Variants in HNRNPA1 observed in about 807,000 individuals in gnomAD.
The protein encoded by HNRNPA1 is heterogeneous nuclear ribonucleoprotein A1, also known as epididymis secretory sperm binding protein.
Under a neutral mutation model 44.4 loss-of-function variants are expected in HNRNPA1, and 7 were observed. The observed-to-expected ratio is 0.16, with a 90% CI of 0.09 to 0.30. The LOEUF (loss-of-function observed/expected upper bound fraction) is 0.30. Ranked by LOEUF, HNRNPA1 falls within the 10% of genes least tolerant of loss-of-function variation. The probability of loss-of-function intolerance (pLI) is 1.00; values close to 1 mark genes in which losing one functional copy is unlikely to be tolerated. For synonymous variants in HNRNPA1, 169 were observed against 160.6 expected (o/e 1.05, Z -0.40); for missense variants, 193 against 465.8 (o/e 0.41, Z 5.39).
At chr12:54,281,233 C>G (rs566711852) in intron 1 of HNRNPA1, 153 bp from the exon 2 acceptor site, 23 of 714,468 alleles carry the variant, frequency 3.2e-5, no homozygotes, top group African/African-American at 2.6e-4. Context: ...CTCCAGCATA[C>G]GGCCTCCCTT....
At position 54,285,390 on chromosome 12, in the gene HNRNPA1, C is replaced by T. The variant is rs780110414; in HGVS notation, c.*846C>T. The T allele has an allele frequency of 6.6e-6, 1 of 152,170 alleles. No individual in the cohort carries two copies. The highest frequency in any genetic ancestry group is 6.5e-5 in the Admixed American group (1 of 15,282). 9.4% of individuals were successfully genotyped at this position (152,170 alleles called of 1,614,324 possible). A position where few individuals can be genotyped will look rare whatever the true frequency, so the allele number is the denominator to read the frequency against. On this transcript the variant is annotated 3_prime_UTR_variant, in exon 11 of 11. Transcript: ENST00000340913. ...ATAGAAACTAGCTGCTGGCTAATGC[C>T]GCTCCATAAATCCGCAGATTTGAAG...
intron 8 of HNRNPA1, 49 bp from the exon 9 acceptor site, chr12:54,283,763 C>T (rs756907477): frequency 1.9e-6 from 3 of 1,574,292 alleles, no homozygotes; most frequent in East Asian, 2.2e-5. Flanking sequence ...GAATTGGAAA[C>T]TAACATCATC....
chr12:54,284,339 T>C, intron 10 of HNRNPA1, 22 bp downstream of exon 10: 1 of 1,606,942 alleles, frequency 6.2e-7, no homozygotes. Context: ...CCTTTTTGTG[T>C]GTTGACATAA....
At position 54,280,756 on chromosome 12, in the gene HNRNPA1, C is replaced by T. The variant is rs147277219; in HGVS notation, c.-52C>T. 34 of 1,611,618 alleles carry T rather than the reference C, an allele frequency of 2.1e-5. No individual in the cohort carries two copies. The East Asian group carries it at 5.6e-4, about 26-fold the overall frequency. ...CGTTCGTCAGCTTGCTCCTTTCTGC[C>T]CGTGGACGCCGCCGAAGAAGCATCG... On this transcript the variant is annotated 5_prime_UTR_variant, in exon 1 of 11. Transcript: ENST00000340913.
intron 1 of HNRNPA1, chr12:54,281,073 T>G (rs1944153335): frequency 1.4e-6 from 1 of 703,886 alleles, no homozygotes; most frequent in African/African-American, 1.7e-5. Flanking sequence ...AGGATCTTTG[T>G]CTTTTTTTAA....
chr12:54,281,855 G>T lies in HNRNPA1; in HGVS notation c.193G>T (p.Val65Leu). ...CTTTGGGTTTGTCACATATGCCACT[G>T]TGGAGGAGGTGGATGCAGCTATGAA... is the stretch of plus-strand genomic sequence containing the variant. ...RGFGFVTYAT[V>L]EEVDAAMNAR... The change falls in exon 3 of 11, where the codon GTG becomes TTG. Residue 65 changes from valine (V) to leucine (L), a missense_variant. Around this residue, in one of 2 missense-constraint regions of HNRNPA1, gnomAD observed 57 missense variants for 231.3 expected, o/e 0.25. Transcript: ENST00000340913. The T allele has an allele frequency of 1.9e-6, 3 of 1,613,452 alleles. No homozygotes were observed. Among genetic ancestry groups the T allele is most frequent in the Non-Finnish European group, 2.5e-6 (3 of 1,179,590 alleles).
intron 7 of HNRNPA1, 37 bp from the exon 8 acceptor site, chr12:54,283,042 T>TA (rs1317063377): frequency 6.2e-7 from 1 of 1,605,538 alleles, no homozygotes; most frequent in Non-Finnish European, 8.5e-7. Context: ...CATTGTCAAA[T>TA]ACTTTTGTCT....
Position 54,281,436 on chromosome 12 carries a change from C to T in HNRNPA1, c.66C>T (p.Ser22=). 1 of 1,611,974 alleles carries T rather than the reference C, an allele frequency of 6.2e-7. No homozygotes were observed. The highest frequency in any genetic ancestry group is 8.5e-7 in the Non-Finnish European group (1 of 1,178,594). The change falls in exon 2 of 11, where the codon AGC becomes AGT. Residue 22 remains serine (S), a synonymous_variant. Transcript: ENST00000340913. ...QLRKLFIGGL[S]FETTDESLRS... is the part of the protein sequence containing the mutation. ...GGAAGCTCTTCATTGGAGGGTTGAG[C>T]TTTGAAACAACTGATGAGAGCCTGA...
rs1467973612 is a variant in HNRNPA1, at chr12:54,284,325, A to G, written c.*4+8A>G. On this transcript the variant is annotated splice_region_variant and intron_variant, in intron 10 of 10. Coordinates refer to ENST00000340913, the MANE Select transcript of HNRNPA1 (RefSeq NM_031157.4). Reference sequence around the variant, plus strand: ...GCAGAAGATTTTAATTAGGTAAGTAAGCACCTTTTTGTGTGTTGACATAAT... The same window carrying G: ...GCAGAAGATTTTAATTAGGTAAGTAGGCACCTTTTTGTGTGTTGACATAAT... 1.2e-6 allele frequency: 2 copies of G among 1,612,996 alleles called. No individual in the cohort carries two copies. The highest frequency in any genetic ancestry group is 1.7e-6 in the Non-Finnish European group (2 of 1,179,182).
In HNRNPA1 at chr12:54,282,071, A is replaced by G. The variant is rs1173632701; in HGVS notation, c.280-19A>G. 2 of 1,609,552 alleles carry G rather than the reference A, an allele frequency of 1.2e-6. No homozygotes were observed. Among genetic ancestry groups the G allele is most frequent in the Admixed American group, 1.7e-5 (1 of 59,914 alleles). Reference sequence around the variant, plus strand: ...GTATAGGCTTTGCTAATCTAAACCTATGGTTTTTCTCCTATTAGGATTCTC... The same window carrying G: ...GTATAGGCTTTGCTAATCTAAACCTGTGGTTTTTCTCCTATTAGGATTCTC... On this transcript the variant is annotated intron_variant, in intron 3 of 10. Transcript: ENST00000340913.
rs748862330 is a variant in HNRNPA1, at chr12:54,281,064, G to A, written c.15+242G>A. The A allele has an allele frequency of 1.7e-5, 12 of 704,854 alleles. No individual in the cohort carries two copies. The East Asian group carries it at 3.2e-4, about 19-fold the overall frequency. The allele number at this position is 704,854 out of a possible 1,614,324, so 43.7% of individuals were successfully genotyped here. On this transcript the variant is annotated intron_variant, in intron 1 of 10. Coordinates refer to ENST00000340913, the MANE Select transcript of HNRNPA1 (RefSeq NM_031157.4). ...TCGTAGCAAAATTCTTAGGCACACA[G>A]GATCTTTGTCTTTTTTTAAACCTTG...
chr12:54,283,906 A>C lies in HNRNPA1; in HGVS notation c.1002A>C (p.Gly334=). The change falls in exon 9 of 11, where the codon GGA becomes GGC. Residue 334 remains glycine, a synonymous_variant. Coordinates refer to ENST00000340913, the MANE Select transcript of HNRNPA1 (RefSeq NM_031157.4). Reference sequence around the variant, plus strand: ...GACCCATGAAGGGAGGAAATTTTGGAGGCAGAAGCTCTGGCCCCTATGGCG... The same window carrying C: ...GACCCATGAAGGGAGGAAATTTTGGCGGCAGAAGCTCTGGCCCCTATGGCG... ...NFGPMKGGNF[G]GRSSGPYGGG... The C allele has an allele frequency of 6.2e-7, 1 of 1,611,478 alleles. No individual in the cohort carries two copies. Among genetic ancestry groups the C allele is most frequent in the Non-Finnish European group, 8.5e-7 (1 of 1,180,014 alleles).
At chr12:54,282,043 C>T (rs370297565) in intron 3 of HNRNPA1, 47 bp from the exon 4 acceptor site, 86 of 1,594,360 alleles carry the variant, frequency 5.4e-5, no homozygotes, top group Admixed American at 2.4e-4. Flanking sequence ...ATTTTTTATT[C>T]GAGTATAGGC....
At chr12:54,284,227 G>C in intron 9 of HNRNPA1, 31 bp from the exon 10 acceptor site, 1 of 1,607,638 alleles carries the variant, frequency 6.2e-7, no homozygotes, top group East Asian at 2.2e-5. Context: ...TTGGCACTTT[G>C]AAACTTTAAA....
rs971236789 is a variant in HNRNPA1 at position 54,286,090 on chromosome 12, A to G, written c.*1546A>G. On this transcript the variant is annotated 3_prime_UTR_variant, in exon 11 of 11. Transcript: ENST00000340913. ...GAATGGCTCCGAGCTCAGACACTCTACAGCTGAGAGTAGACACTTGTGGTA... is the reference window on the plus strand; with the variant it reads ...GAATGGCTCCGAGCTCAGACACTCTGCAGCTGAGAGTAGACACTTGTGGTA... 5 of 152,148 alleles carry G rather than the reference A, an allele frequency of 3.3e-5. No homozygotes were observed. Among genetic ancestry groups the G allele is most frequent in the Non-Finnish European group, 7.3e-5 (5 of 68,030 alleles). The allele number at this position is 152,148 out of a possible 1,614,324, so 9.4% of individuals were successfully genotyped here.
At chr12:54,281,117 GATTAGTCCC>G in intron 1 of HNRNPA1, 1 of 699,822 alleles carries the variant, frequency 1.4e-6, no homozygotes, top group Non-Finnish European at 2.6e-6. Flanking sequence ...TCTAAAGAGC[GATTAGTCCC>G]ATTGTGGAGA....
chr12:54,284,444 A>C, intron 10 of HNRNPA1, 105 bp from the exon 11 acceptor site: 1 of 944,800 alleles, frequency 1.1e-6, no homozygotes, highest in Non-Finnish European at 1.7e-6. Flanking sequence ...ATATAAAGTT[A>C]ATATTCAGAT....
rs535075750 is a variant in HNRNPA1 at position 54,280,987 on chromosome 12, C to T, written c.15+165C>T. On this transcript the variant is annotated intron_variant, in intron 1 of 10. Coordinates refer to ENST00000340913, the MANE Select transcript of HNRNPA1 (RefSeq NM_031157.4). ...CAAGTCGCCATTTTGTCCTCTTGAT[C>T]GCCATGAGGCCGCTCTCCGCCAACC... 1.3e-4 allele frequency: 97 copies of T among 766,890 alleles called. 1 individual carries two copies. In the South Asian group the frequency reaches 1.3e-3, roughly 10 times the overall value. 47.5% of individuals were successfully genotyped at this position (766,890 alleles called of 1,614,324 possible).
rs552844808 is a variant in HNRNPA1, at chr12:54,285,715, C to T, written c.*1171C>T. ...TTCTAAACCTTTAACAGTTAATATCCAATAATGTGTTATTTGTACATAGAT... is the reference window on the plus strand; with the variant it reads ...TTCTAAACCTTTAACAGTTAATATCTAATAATGTGTTATTTGTACATAGAT... On this transcript the variant is annotated 3_prime_UTR_variant, in exon 11 of 11. Transcript: ENST00000340913. 3 of 152,156 alleles carry T rather than the reference C, an allele frequency of 2.0e-5. No individual in the cohort carries two copies. The highest frequency in any genetic ancestry group is 4.4e-5 in the Non-Finnish European group (3 of 68,020). The allele number at this position is 152,156 out of a possible 1,614,324, so 9.4% of individuals were successfully genotyped here. A position where few individuals can be genotyped will look rare whatever the true frequency, so the allele number is the denominator to read the frequency against.
Sources: gnomAD v4.1 joint callset for allele counts on GRCh38, gnomAD v4.1.1 for gene constraint, gnomAD v4.1.1 regional missense constraint, MANE v1.5 for transcripts, NCBI Gene and HGNC (gene_info 2026-07-23, HGNC 2026-07-21) for gene names.